The following CFAP20DC variants were observed in gnomAD, a reference collection of about 807,000 sequenced individuals.
The protein encoded by CFAP20DC is CFAP20 domain containing.
A neutral mutation model predicts 101.7 loss-of-function variants in CFAP20DC; 84 were observed. That is an observed-to-expected ratio of 0.83 (90% confidence interval 0.69 to 0.99). The LOEUF is 0.99. Ranked by LOEUF, CFAP20DC falls within the 50% of genes least tolerant of loss-of-function variation. The pLI is 0.00. For synonymous variants in CFAP20DC, 359 were observed against 351.2 expected, an observed-to-expected ratio of 1.02 and a Z score of -0.25; for missense variants, 1,007 against 970.3, an observed-to-expected ratio of 1.04 and a Z score of -0.50.
chr3:58,794,806 C>T (rs114074588), intron 15 of CFAP20DC, among the ~76,000 whole-genome samples: 123 of 152,256 alleles, frequency 8.1e-4, no homozygotes, highest in Middle Eastern at 3.4e-3. Flanking sequence ...TGCTGGAAGG[C>T]CACAAGCTCA....
At chr3:58,878,023 C>G (rs147228169) in intron 7 of CFAP20DC, among the ~76,000 whole-genome samples, 2 of 152,270 alleles carry the variant, frequency 1.3e-5, no homozygotes, top group East Asian at 3.9e-4. Flanking sequence ...ACGTGGCAAG[C>G]AGGCACATGC....
intron 4 of CFAP20DC, among the ~76,000 whole-genome samples, chr3:58,952,171 G>T (rs1308459405): frequency 6.6e-6 from 1 of 152,150 alleles, no homozygotes; most frequent in Non-Finnish European, 1.5e-5. Flanking sequence ...GCTATTCTTA[G>T]TTTTCAGTGA....
At chr3:58,970,105 G>A (rs937337912) in intron 4 of CFAP20DC, among the ~76,000 whole-genome samples, 2 of 152,074 alleles carry the variant, frequency 1.3e-5, no homozygotes, top group South Asian at 4.2e-4. Flanking sequence ...TAGGAGAAAG[G>A]TATAGATAAA....
At chr3:58,950,331 C>G (rs755151829) in intron 4 of CFAP20DC, among the ~76,000 whole-genome samples, 1 of 152,160 alleles carries the variant, frequency 6.6e-6, no homozygotes, top group Non-Finnish European at 1.5e-5. Context: ...AATGGCCATA[C>G]TGCCCAAGGT....
At chr3:58,930,619 C>T (rs2086509434) in intron 5 of CFAP20DC, among the ~76,000 whole-genome samples, 1 of 152,188 alleles carries the variant, frequency 6.6e-6, no homozygotes, top group Non-Finnish European at 1.5e-5. Flanking sequence ...CAAACAGCAG[C>T]CCTCAGGACA....
intron 4 of CFAP20DC, chr3:58,953,666 G>A (rs991253088): frequency 6.6e-6 from 1 of 152,182 alleles, no homozygotes; most frequent in Non-Finnish European, 1.5e-5. Context: ...ATTCATGAGA[G>A]AGAGAATATA....
intron 15 of CFAP20DC, among the ~76,000 whole-genome samples, chr3:58,778,172 C>T (rs1338472406): frequency 6.6e-6 from 1 of 152,210 alleles, no homozygotes; most frequent in Non-Finnish European, 1.5e-5. Flanking sequence ...AGTGCAGCTA[C>T]AGCCACCCCC....
intron 4 of CFAP20DC, among the ~76,000 whole-genome samples, chr3:59,030,424 T>A (rs180782239): frequency 2.7e-4 from 41 of 152,280 alleles, no homozygotes; most frequent in Admixed American, 2.6e-3. Flanking sequence ...AAATAGAGAG[T>A]TAGCATATTT....
rs34030341 is a variant in CFAP20DC, at chr3:58,971,864, T to TACACAC, written c.279-34108_279-34103dup. Among the ~76,000 whole-genome samples the TACACAC allele has an allele frequency of 0.036, 5,062 of 142,438 alleles. 268 individuals are homozygous for TACACAC. The highest frequency in any genetic ancestry group is 0.12 in the African/African-American group (4,738 of 39,448). 93.4% of individuals were successfully genotyped at this position (142,438 alleles called of 152,430 possible). A position where few individuals can be genotyped will look rare whatever the true frequency, so the allele number is the denominator to read the frequency against. The stretch of plus-strand genomic sequence containing the variant: ...CTGTAATATCATACACACGCACACA[T>TACACAC]ACACACACACACACACACACACACA... On this transcript the variant is annotated intron_variant, in intron 4 of 16. Transcript: ENST00000482387. This position sits in a 1 kb window ranked among gnomAD's most constrained non-coding sequence, Gnocchi z 4.1.
At chr3:59,044,322 C>T (rs1467684427) in intron 3 of CFAP20DC, among the ~76,000 whole-genome samples, 1 of 152,038 alleles carries the variant, frequency 6.6e-6, no homozygotes, top group Non-Finnish European at 1.5e-5. Context: ...GGTCATTTTA[C>T]ACAAGTAAAA....
downstream of CFAP20DC, among the ~76,000 whole-genome samples, chr3:58,740,009 C>T (rs1042401171): frequency 1.3e-5 from 2 of 152,002 alleles, no homozygotes; most frequent in African/African-American, 4.8e-5. This position sits in a 1 kb window ranked among gnomAD's most constrained non-coding sequence, Gnocchi z 4.6. Context: ...CCTGGTGGCC[C>T]CTGGAACAAA....
intron 13 of CFAP20DC, among the ~76,000 whole-genome samples, chr3:58,834,146 T>C (rs893881400): frequency 5.3e-5 from 8 of 152,156 alleles, no homozygotes; most frequent in Non-Finnish European, 1.0e-4. Context: ...CTTGTGAATA[T>C]ACTAAGAACT....
Position 58,728,342 on chromosome 3 carries a change from G to C in CFAP20DC, c.198-10714C>G, listed in dbSNP as rs2067585404. Among the ~76,000 whole-genome samples, 2 of 152,236 alleles carry C rather than the reference G, an allele frequency of 1.3e-5. No homozygotes were observed. Among genetic ancestry groups the C allele is most frequent in the South Asian group, 4.1e-4 (2 of 4,824 alleles). On this transcript the variant is annotated intron_variant, in intron 3 of 3. Coordinates refer to the CFAP20DC transcript ENST00000486145. The surrounding 1 kb of genome is among the most constrained non-coding windows in gnomAD (Gnocchi z 4.7). ...GAAGAAGATTCACGTCCTCATATTA[G>C]AGAAATAGCTGGCTAAATGAATAGA...
chr3:58,949,065 G>A (rs2089743269), intron 4 of CFAP20DC, among the ~76,000 whole-genome samples: 1 of 152,146 alleles, frequency 6.6e-6, no homozygotes, highest in Non-Finnish European at 1.5e-5. Flanking sequence ...AGATTTTCTA[G>A]TTTATTTGCG....
chr3:58,959,610 C>T (rs1216591671), intron 4 of CFAP20DC, among the ~76,000 whole-genome samples: 1 of 152,210 alleles, frequency 6.6e-6, no homozygotes, highest in East Asian at 1.9e-4. Flanking sequence ...TGTCATGCTG[C>T]TGCATTGATC....
At position 58,788,926 on chromosome 3, in the gene CFAP20DC, C is replaced by T. The variant is rs2072614636; in HGVS notation, c.2237+17469G>A. On this transcript the variant is annotated intron_variant, in intron 15 of 16. Transcript: ENST00000482387. This position sits in a 1 kb window ranked among gnomAD's most constrained non-coding sequence, Gnocchi z 4.2. ...CCTCAAGTTGGCCATGCAGAACCCA[C>T]ATATATGAAAAATGGGTTGGAAAAA... Among the ~76,000 whole-genome samples, 2 of 152,086 alleles carry T rather than the reference C, an allele frequency of 1.3e-5. No individual in the cohort carries two copies. Among genetic ancestry groups the T allele is most frequent in the African/African-American group, 4.8e-5 (2 of 41,420 alleles).
intron 4 of CFAP20DC, among the ~76,000 whole-genome samples, chr3:58,948,178 C>A (rs950941332): frequency 1.3e-5 from 2 of 152,236 alleles, no homozygotes; most frequent in Non-Finnish European, 2.9e-5. Flanking sequence ...TGGACTGCCA[C>A]AATGACAATA....
chr3:58,815,841 A>C lies in CFAP20DC; in HGVS notation c.2176-9385T>G, dbSNP rs1272956536. On this transcript the variant is annotated intron_variant, in intron 14 of 16. Coordinates refer to ENST00000482387, the MANE Select transcript of CFAP20DC (RefSeq NM_001394063.1). ...TCTCACACCAGTTAGAATGGCAATC[A>C]TTAAAAAGTCAGGAAACAACAGGTG... is the stretch of plus-strand genomic sequence containing the variant. Among the ~76,000 whole-genome samples the C allele has an allele frequency of 4.5e-3, 684 of 150,880 alleles. 16 individuals are homozygous for C. The highest frequency in any genetic ancestry group is 0.016 in the African/African-American group (645 of 40,862).
chr3:58,780,270 C>A (rs955767846), intron 15 of CFAP20DC, among the ~76,000 whole-genome samples: 6 of 151,840 alleles, frequency 4.0e-5, no homozygotes, highest in African/African-American at 1.5e-4. Flanking sequence ...TGAAAACACA[C>A]AAATATATAA....
Sources: gnomAD v4.1 joint callset for allele counts (sites outside exome capture counted in the v4.1 genomes callset) on GRCh38, gnomAD v4.1.1 for gene constraint, Gnocchi (gnomAD v3.1) non-coding constraint, MANE v1.5 for transcripts, NCBI Gene and HGNC (gene_info 2026-07-23, HGNC 2026-07-21) for gene names.